MYO1A: variants seen among roughly 807,000 people sequenced by gnomAD.
MYO1A encodes the protein myosin IA, also known as unconventional myosin-Ia.
In MYO1A, 127 loss-of-function variants were observed where a neutral mutation model predicts 138.5. The observed-to-expected ratio is 0.92, with a 90% CI of 0.79 to 1.06. The LOEUF (loss-of-function observed/expected upper bound fraction) is 1.06, where lower values mean the gene tolerates loss of function less well. Among genes scored for constraint, MYO1A ranks in the 50% least tolerant of loss-of-function variants. The probability of loss-of-function intolerance (pLI) is 0.00; values close to 1 mark genes in which losing one functional copy is unlikely to be tolerated. For synonymous variants in MYO1A, 477 were observed against 497.5 expected, an observed-to-expected ratio of 0.96 and a Z score of 0.55; for missense variants, 1,211 against 1,288.8, an observed-to-expected ratio of 0.94 and a Z score of 0.92.
Position 57,037,316 on chromosome 12 carries a change from G to T in MYO1A, c.2056-225C>A, listed in dbSNP as rs144460701. On this transcript the variant is annotated intron_variant, in intron 19 of 27. Coordinates refer to ENST00000300119, the MANE Select transcript of MYO1A (RefSeq NM_005379.4). Reference sequence around the variant, plus strand: ...GATCACCCCAACCCTCAAGGGCTCTGCCTCAGGCAAAGGCACTTAGAGCCA... The same window carrying T: ...GATCACCCCAACCCTCAAGGGCTCTTCCTCAGGCAAAGGCACTTAGAGCCA... Among the ~76,000 whole-genome samples the T allele has an allele frequency of 1.4e-4, 22 of 152,314 alleles. No individual in the cohort carries two copies. In the East Asian group the frequency reaches 4.2e-3, roughly 29 times the overall value.
chr12:57,039,135 TCAGGGAGAGAGA>T, intron 15 of MYO1A, 65 bp downstream of exon 15: 1 of 1,563,330 alleles, frequency 6.4e-7, no homozygotes, highest in Non-Finnish European at 8.8e-7. Flanking sequence ...AAGTGGGGAA[TCAGGGAGAGAGA>T]CAGGGGAAGG....
In MYO1A at chr12:57,037,959, C is replaced by T; in HGVS notation, c.1871G>A (p.Gly624Asp). The change falls in exon 18 of 28, where the codon GGC (glycine) becomes GAC (aspartate). Residue 624 changes from glycine (G) to aspartate (D), a missense_variant. Coordinates refer to ENST00000300119, the MANE Select transcript of MYO1A (RefSeq NM_005379.4). ...CCCATAACCCTGGCGGTGGGCATAG[C>T]CTGCCCGTCGCACCCGTACGTTCTC... ...LLENVRVRRA[G>D]YAHRQGYGPF... 1 of 1,614,180 alleles carries T rather than the reference C, an allele frequency of 6.2e-7. No individual in the cohort carries two copies. Among genetic ancestry groups the T allele is most frequent in the Non-Finnish European group, 8.5e-7 (1 of 1,180,040 alleles).
rs376538887 is a variant in MYO1A, at chr12:57,036,856, G to A, written c.2206-16C>T. ...ATTTCTTTTGCTGTAGAAAACATAG[G>A]AGTTGTTAGAAAAATGGCACCTCCT... is the stretch of plus-strand genomic sequence containing the variant. On this transcript the variant is annotated splice_polypyrimidine_tract_variant and intron_variant, in intron 20 of 27. Transcript: ENST00000300119. The A allele has an allele frequency of 8.7e-6, 14 of 1,614,040 alleles. No individual in the cohort carries two copies. The South Asian group carries it at 1.2e-4, about 14-fold the overall frequency.
In MYO1A at chr12:57,048,093, C is replaced by A. The variant is rs553118526; in HGVS notation, c.126G>T (p.Gly42=). Residue 42 remains glycine (G), a synonymous_variant, in exon 3 of 28, where the codon GGG becomes GGT. Coordinates refer to ENST00000300119, the MANE Select transcript of MYO1A (RefSeq NM_005379.4). ...AGGGATTCACTGAGATCACCACATT[C>A]CCAATGTAGGTCTGGAGCCAGGAAG... is the stretch of plus-strand genomic sequence containing the variant. The part of the protein sequence containing the change: ...YENKEIYTYI[G]NVVISVNPYQ... 1 of 1,613,964 alleles carries A rather than the reference C, an allele frequency of 6.2e-7. No individual in the cohort carries two copies. Among genetic ancestry groups the A allele is most frequent in the Admixed American group, 1.7e-5 (1 of 60,030 alleles).
chr12:57,050,335 A>C (rs1284524032), upstream of MYO1A, among the ~76,000 whole-genome samples: 1 of 152,258 alleles, frequency 6.6e-6, no homozygotes, highest in African/African-American at 2.4e-5. Flanking sequence ...GAAAGCTGGA[A>C]GAATGGAATT....
In MYO1A at chr12:57,029,873, C is replaced by T. The variant is rs781086198; in HGVS notation, c.2592-1G>A. ...GTCACCACAGAATGGAATGGGGACA[C>T]TGAGAACACATGGGAGGTGTGCAGC... On this transcript the variant is annotated splice_acceptor_variant, in intron 24 of 27. Coordinates refer to ENST00000300119, the MANE Select transcript of MYO1A (RefSeq NM_005379.4). LOFTEE classifies it high-confidence loss of function. 10 of 1,614,098 alleles carry T rather than the reference C, an allele frequency of 6.2e-6. No homozygotes were observed. The Admixed American group carries it at 1.3e-4, about 22-fold the overall frequency.
rs758957043 is a variant in MYO1A, at chr12:57,047,291, C to T, written c.430+12G>A. 6.2e-7 allele frequency: 1 copy of T among 1,610,018 alleles called. No individual in the cohort carries two copies. The highest frequency in any genetic ancestry group is 1.7e-5 in the Admixed American group (1 of 60,026). On this transcript the variant is annotated intron_variant, in intron 5 of 27. Transcript: ENST00000300119. ...GATGGAGGGTGGAGAGGGCAGAGAG[C>T]AGAATTCTCACCCTCCAGCACTGGG...
At position 57,036,537 on chromosome 12, in the gene MYO1A, C is replaced by T. The variant is rs55909821; in HGVS notation, c.2275-156G>A. On this transcript the variant is annotated intron_variant, in intron 21 of 27. Coordinates refer to ENST00000300119, the MANE Select transcript of MYO1A (RefSeq NM_005379.4). ...AAATCAGACAAGTTGGCAGTGAGGA[C>T]ACTTAGAGCAGAAGGCAAAGTTCTG... Among the ~76,000 whole-genome samples, 6,362 of 152,274 alleles carry T rather than the reference C, an allele frequency of 0.042. 175 individuals are homozygous for T. Among genetic ancestry groups the T allele is most frequent in the Non-Finnish European group, 0.061 (4,126 of 68,022 alleles).
intron 25 of MYO1A, 55 bp from the exon 26 acceptor site, chr12:57,029,642 A>C (rs1458893909): frequency 6.2e-7 from 1 of 1,613,770 alleles, no homozygotes; most frequent in African/African-American, 1.3e-5. Context: ...CCCCCACTCC[A>C]CCTGGCAGGG....
chr12:57,036,953 G>A lies in MYO1A; in HGVS notation c.2194C>T (p.Arg732Trp), dbSNP rs749645697. The A allele has an allele frequency of 3.0e-5, 48 of 1,614,040 alleles. No homozygotes were observed. Among genetic ancestry groups the A allele is most frequent in the Middle Eastern group, 1.6e-4 (1 of 6,084 alleles). Residue 732 changes from arginine to tryptophan, a missense_variant, in exon 20 of 28, where the codon CGG becomes TGG. Coordinates refer to ENST00000300119, the MANE Select transcript of MYO1A (RefSeq NM_005379.4). ...KSQILISSWFRGNMQKKCYGK... is the reference protein window; with the variant it reads ...KSQILISSWFWGNMQKKCYGK... ...GGGGATGACCGTACCATGTTTCCCC[G>A]AAACCAAGAGGAGATGAGGATCTGA...
chr12:57,036,478 A>G (rs2030552490), intron 21 of MYO1A, 97 bp from the exon 22 acceptor site: 3 of 1,247,030 alleles, frequency 2.4e-6, no homozygotes, highest in Middle Eastern at 1.8e-4. Context: ...TGAGTAAGAT[A>G]AAGAGCTGAG....
chr12:57,049,503 A>C (rs73114467), intron 1 of MYO1A, among the ~76,000 whole-genome samples: 13,620 of 152,220 alleles, frequency 0.089, 635 homozygotes, highest in East Asian at 0.18. Flanking sequence ...AGCACTTGTC[A>C]CTTACCAGAA....
chr12:57,044,446 T>C (rs552012251), intron 8 of MYO1A, among the ~76,000 whole-genome samples: 1 of 152,352 alleles, frequency 6.6e-6, no homozygotes, highest in Admixed American at 6.5e-5. Flanking sequence ...TGGAGGGCAG[T>C]GGTGCGATCT....
At chr12:57,049,335 C>G (rs1270202369) in intron 1 of MYO1A, among the ~76,000 whole-genome samples, 2 of 152,226 alleles carry the variant, frequency 1.3e-5, no homozygotes, top group African/African-American at 4.8e-5. Context: ...ATGGTCAAGG[C>G]CACTCCTGAA....
At chr12:57,033,030 T>TACAC (rs796954778) in intron 22 of MYO1A, among the ~76,000 whole-genome samples, 5 of 152,244 alleles carry the variant, frequency 3.3e-5, no homozygotes, top group African/African-American at 1.2e-4. Flanking sequence ...TACATGCATA[T>TACAC]ACACATTTAC....
rs1442291702 is a variant in MYO1A, at chr12:57,028,661, A to G, written c.*94T>C. The G allele has an allele frequency of 2.6e-6, 4 of 1,535,550 alleles. No homozygotes were observed. The highest frequency in any genetic ancestry group is 3.6e-6 in the Non-Finnish European group (4 of 1,124,936). On this transcript the variant is annotated 3_prime_UTR_variant, in exon 28 of 28. Transcript: ENST00000300119. ...AATCCCCAAGCCATGCGCCACGATC[A>G]GAGGGGTTAGAGATCCTCCCACACA...
chr12:57,041,062 AT>A, intron 14 of MYO1A, 121 bp downstream of exon 14: 1 of 751,026 alleles, frequency 1.3e-6, no homozygotes, highest in Admixed American at 2.0e-5. Context: ...CAAGGGAAAC[AT>A]TTTGTCCTCT....
chr12:57,037,110 G>A lies in MYO1A; in HGVS notation c.2056-19C>T. ...AGAAAAGCTGTGGAGAGGTGGAAGG[G>A]GGTGACAGAGAGACTGGCTCAGGGG... On this transcript the variant is annotated intron_variant, in intron 19 of 27. Coordinates refer to ENST00000300119, the MANE Select transcript of MYO1A (RefSeq NM_005379.4). 1 of 1,613,778 alleles carries A rather than the reference G, an allele frequency of 6.2e-7. No homozygotes were observed. The highest frequency in any genetic ancestry group is 8.5e-7 in the Non-Finnish European group (1 of 1,179,962).
rs372055709 is a variant in MYO1A, at chr12:57,038,497, G to A, written c.1675C>T (p.Arg559Cys). 117 of 1,614,104 alleles carry A rather than the reference G, an allele frequency of 7.2e-5. 1 individual carries two copies. Among genetic ancestry groups the A allele is most frequent in the South Asian group, 3.3e-4 (30 of 91,092 alleles). The stretch of plus-strand genomic sequence containing the variant: ...AACTGGGCCCCAGCAGTCGGGGGGC[G>A]TTTGAGAGATGCCTGCTTAGGATTG... ...EGNPKQASLK[R>C]PPTAGAQFKS... Residue 559 changes from arginine (R) to cysteine (C), a missense_variant, in exon 17 of 28, where the codon CGC becomes TGC. Coordinates refer to ENST00000300119, the MANE Select transcript of MYO1A (RefSeq NM_005379.4).
Sources: gnomAD v4.1 joint callset for allele counts (sites outside exome capture counted in the v4.1 genomes callset) on GRCh38, gnomAD v4.1.1 for gene constraint, MANE v1.5 for transcripts, NCBI Gene and HGNC (gene_info 2026-07-23, HGNC 2026-07-21) for gene names.